Variants in SPIN1 observed in about 807,000 individuals in gnomAD.
SPIN1 encodes the protein spindlin-1.
A neutral mutation model predicts 26.0 loss-of-function variants in SPIN1; 3 were observed. The ratio of observed to expected loss-of-function variants is 0.12; its 90% CI spans 0.05 to 0.30. SPIN1 has a LOEUF of 0.30. Among genes scored for constraint, SPIN1 ranks in the 10% least tolerant of loss-of-function variants. The probability of loss-of-function intolerance (pLI) is 1.00; values close to 1 mark genes in which losing one functional copy is unlikely to be tolerated. For synonymous variants in SPIN1, 101 were observed against 116.5 expected (o/e 0.87, Z 0.86); for missense variants, 126 against 333.4 (o/e 0.38, Z 4.84).
intron 3 of SPIN1, among the ~76,000 whole-genome samples, chr9:88,457,326 T>A (rs1199838025): frequency 6.6e-6 from 1 of 152,032 alleles, no homozygotes; most frequent in Non-Finnish European, 1.5e-5. Context: ...GGCCAGGAGT[T>A]TGAGCCAGCC....
At chr9:88,393,726 ATTACAGGCGTCAGCC>A (rs1322204915) in intron 1 of SPIN1, among the ~76,000 whole-genome samples, 2 of 152,042 alleles carry the variant, frequency 1.3e-5, no homozygotes, top group Non-Finnish European at 2.9e-5. Context: ...GAGTGTTGGG[ATTACAGGCGTCAGCC>A]ATCTCTCCAG....
In SPIN1 at chr9:88,391,341, A is replaced by T. The variant is rs78458248; in HGVS notation, c.-159+2803A>T. 7.5e-3 allele frequency: 1,196 copies of T among 160,480 alleles called. 16 individuals are homozygous for T. The highest frequency in any genetic ancestry group is 0.026 in the African/African-American group (1,103 of 42,114). The allele number at this position is 160,480 out of a possible 1,614,324, so 9.9% of individuals were successfully genotyped here. On this transcript the variant is annotated intron_variant, in intron 1 of 5. Coordinates refer to ENST00000375859, the MANE Select transcript of SPIN1 (RefSeq NM_006717.3). ...ATACATAAAATTACCAGCAAGAAAA[A>T]AAAAGTACAAGAATGACAGTTTATG... is the stretch of plus-strand genomic sequence containing the variant.
intron 1 of SPIN1, among the ~76,000 whole-genome samples, chr9:88,409,720 C>T (rs997535367): frequency 2.6e-5 from 4 of 152,024 alleles, no homozygotes; most frequent in Admixed American, 1.3e-4. Context: ...CACCTGTAGT[C>T]CCAGCTACTC....
chr9:88,478,331 T>A lies in SPIN1; in HGVS notation c.*3054T>A, dbSNP rs773443225. On this transcript the variant is annotated 3_prime_UTR_variant, in exon 6 of 6. Coordinates refer to ENST00000375859, the MANE Select transcript of SPIN1 (RefSeq NM_006717.3). ...TCTTAAGCTGATTGTCTTAACAAAA[T>A]GAAAGTTCTCCAAAGACAAAACAGA... is the stretch of plus-strand genomic sequence containing the variant. 2.6e-5 allele frequency: 4 copies of A among 152,632 alleles called. No homozygotes were observed. The highest frequency in any genetic ancestry group is 6.5e-5 in the Admixed American group (1 of 15,276). 9.5% of individuals were successfully genotyped at this position (152,632 alleles called of 1,614,324 possible).
chr9:88,393,521 C>G (rs1451901833), intron 1 of SPIN1, among the ~76,000 whole-genome samples: 2 of 128,156 alleles, frequency 1.6e-5, no homozygotes, highest in Non-Finnish European at 3.1e-5. Context: ...GTGGCGCAGT[C>G]TCAGCTGACT....
chr9:88,453,550 T>TA (rs1327378823), intron 3 of SPIN1, among the ~76,000 whole-genome samples: 1 of 151,768 alleles, frequency 6.6e-6, no homozygotes, highest in Non-Finnish European at 1.5e-5. Flanking sequence ...TTTTTTTTTT[T>TA]ACCGAGATGG....
intron 1 of SPIN1, among the ~76,000 whole-genome samples, chr9:88,397,914 G>A (rs960018137): frequency 5.9e-5 from 9 of 151,744 alleles, no homozygotes; most frequent in Admixed American, 5.9e-4. Context: ...GTGAGCCACC[G>A]TGCCCAGCCT....
intron 3 of SPIN1, among the ~76,000 whole-genome samples, chr9:88,460,476 A>G (rs546099120): frequency 6.6e-6 from 1 of 152,350 alleles, no homozygotes; most frequent in South Asian, 2.1e-4. Context: ...TCGTTGGGAA[A>G]TAGATAAAAT....
At chr9:88,410,589 G>GT in intron 1 of SPIN1, 1 of 871,568 alleles carries the variant, frequency 1.1e-6, no homozygotes, top group Non-Finnish European at 1.9e-6. Flanking sequence ...AGTAGCCACC[G>GT]TGGTTTCATG....
chr9:88,463,527 T>G (rs1327440539), intron 4 of SPIN1, among the ~76,000 whole-genome samples: 1 of 152,216 alleles, frequency 6.6e-6, no homozygotes, highest in Non-Finnish European at 1.5e-5. Context: ...GAGGTAGGAA[T>G]TTTGGGATCA....
chr9:88,444,958 T>G (rs1211497891), intron 2 of SPIN1, among the ~76,000 whole-genome samples: 1 of 152,216 alleles, frequency 6.6e-6, no homozygotes, highest in Admixed American at 6.5e-5. Context: ...CCTCCCAAAG[T>G]GCTGGGATTA....
At chr9:88,441,359 T>TTC (rs1328431638) in intron 2 of SPIN1, among the ~76,000 whole-genome samples, 2 of 143,556 alleles carry the variant, frequency 1.4e-5, no homozygotes, top group East Asian at 3.9e-4. Context: ...GTATTCCTGA[T>TTC]TCTCTCTCCA....
chr9:88,404,593 G>A (rs1355954426), intron 1 of SPIN1, among the ~76,000 whole-genome samples: 1 of 151,806 alleles, frequency 6.6e-6, no homozygotes, highest in African/African-American at 2.4e-5. Context: ...TATTACTTTT[G>A]TTTTTACTTT....
intron 1 of SPIN1, among the ~76,000 whole-genome samples, chr9:88,403,581 C>A (rs909694085): frequency 6.6e-6 from 1 of 152,088 alleles, no homozygotes; most frequent in Non-Finnish European, 1.5e-5. Context: ...TGTGGTGGCA[C>A]ACACCTGTAG....
intron 4 of SPIN1, among the ~76,000 whole-genome samples, chr9:88,467,945 G>A (rs1218892078): frequency 6.6e-6 from 1 of 151,608 alleles, no homozygotes; most frequent in African/African-American, 2.4e-5. Context: ...TACAGGAGAA[G>A]CAAAGTGAAC....
In SPIN1 at chr9:88,475,307, G is replaced by A. The variant is rs897411341; in HGVS notation, c.*30G>A. 97 of 1,598,400 alleles carry A rather than the reference G, an allele frequency of 6.1e-5. No individual in the cohort carries two copies. Among genetic ancestry groups the A allele is most frequent in the Non-Finnish European group, 7.6e-5 (89 of 1,167,750 alleles). On this transcript the variant is annotated 3_prime_UTR_variant, in exon 6 of 6. Coordinates refer to ENST00000375859, the MANE Select transcript of SPIN1 (RefSeq NM_006717.3). ...CATCACAAACTCTGCCAAATTTGTG[G>A]AACTATGAAATGTATTATTTGTAGA...
At chr9:88,456,756 G>A (rs984731574) in intron 3 of SPIN1, among the ~76,000 whole-genome samples, 2 of 152,014 alleles carry the variant, frequency 1.3e-5, no homozygotes, top group Non-Finnish European at 2.9e-5. Flanking sequence ...GCATCTTAGA[G>A]CACTAAACGC....
chr9:88,414,148 GA>G, intron 1 of SPIN1, among the ~76,000 whole-genome samples: 1 of 152,148 alleles, frequency 6.6e-6, no homozygotes, highest in Non-Finnish European at 1.5e-5. Flanking sequence ...TATTAACCGG[GA>G]AAGCTCATGT....
rs369481536 is a variant in SPIN1 at position 88,477,425 on chromosome 9, T to A, written c.*2148T>A. On this transcript the variant is annotated 3_prime_UTR_variant, in exon 6 of 6. Transcript: ENST00000375859. ...TGCAAGCAACTTTAATGACTTTTTT[T>A]ATACCACATGGTCTCCCAGTTTCTA... The A allele has an allele frequency of 2.6e-5, 4 of 152,242 alleles. No homozygotes were observed. Among genetic ancestry groups the A allele is most frequent in the Non-Finnish European group, 4.4e-5 (3 of 68,042 alleles). The allele number at this position is 152,242 out of a possible 1,614,324, so 9.4% of individuals were successfully genotyped here.
Sources: allele counts gnomAD v4.1 joint callset (sites outside exome capture counted in the v4.1 genomes callset), GRCh38; gene constraint gnomAD v4.1.1; transcripts MANE v1.5; gene names NCBI Gene and HGNC (gene_info 2026-07-23, HGNC 2026-07-21).